The following PLA2G4C variants were observed in gnomAD, a reference collection of about 807,000 sequenced individuals.
The protein encoded by PLA2G4C is phospholipase A2 group IVC.
Under a neutral mutation model 73.8 loss-of-function variants are expected in PLA2G4C, and 64 were observed. The observed-to-expected ratio is 0.87, with a 90% CI of 0.71 to 1.07. The LOEUF (loss-of-function observed/expected upper bound fraction) is 1.07. Ranked by LOEUF, PLA2G4C falls within the 50% of genes least tolerant of loss-of-function variation. The probability of loss-of-function intolerance (pLI) is 0.00; values close to 1 mark genes in which losing one functional copy is unlikely to be tolerated. For synonymous variants in PLA2G4C, 254 were observed against 252.1 expected (o/e 1.01, Z -0.07); for missense variants, 622 against 665.4 (o/e 0.93, Z 0.72).
chr19:48,083,060 C>A (rs1008462823), intron 10 of PLA2G4C, among the ~76,000 whole-genome samples: 2 of 152,062 alleles, frequency 1.3e-5, no homozygotes, highest in African/African-American at 2.4e-5. Context: ...GTGATCCACC[C>A]GCCTCGGCCC....
chr19:48,054,829 G>C, intron 15 of PLA2G4C, 49 bp downstream of exon 15: 1 of 1,520,074 alleles, frequency 6.6e-7, no homozygotes. Context: ...AGCAGTGTGA[G>C]CATGGACTAA....
chr19:48,060,953 T>A (rs1392779606), intron 14 of PLA2G4C, among the ~76,000 whole-genome samples: 2 of 152,184 alleles, frequency 1.3e-5, no homozygotes, highest in African/African-American at 4.8e-5. Context: ...TATGTATTGG[T>A]ATGTATCATG....
intron 1 of PLA2G4C, among the ~76,000 whole-genome samples, chr19:48,108,261 G>A (rs566481115): frequency 3.3e-5 from 5 of 151,980 alleles, no homozygotes; most frequent in Admixed American, 3.3e-4. Flanking sequence ...TGGCCTCCTG[G>A]GTTGCTGGGA....
intron 5 of PLA2G4C, among the ~76,000 whole-genome samples, chr19:48,099,077 T>C (rs1454725660): frequency 2.7e-5 from 4 of 147,382 alleles, no homozygotes; most frequent in Admixed American, 7.0e-5. Context: ...CTGGGCAATA[T>C]AGCAAGATCC....
Position 48,105,820 on chromosome 19 carries a change from C to CCCCT in PLA2G4C, c.9-380_9-377dup, listed in dbSNP as rs1173936708. On this transcript the variant is annotated intron_variant, in intron 2 of 16. Coordinates refer to ENST00000599921, the MANE Select transcript of PLA2G4C (RefSeq NM_003706.3). ...CCTCCCTCCCTCCCTCCCCTTCCCT[C>CCCCT]CCCTCCCTCCCTCCCTCCCTTCCTT... Among the ~76,000 whole-genome samples, 3 of 46,032 alleles carry CCCCT rather than the reference C, an allele frequency of 6.5e-5. 1 individual carries two copies. The highest frequency in any genetic ancestry group is 6.4e-4 in the African/African-American group (3 of 4,718). 30.2% of individuals were successfully genotyped at this position (46,032 alleles called of 152,430 possible).
intron 10 of PLA2G4C, among the ~76,000 whole-genome samples, chr19:48,082,110 T>C (rs1395428294): frequency 6.6e-6 from 1 of 151,728 alleles, no homozygotes; most frequent in African/African-American, 2.4e-5. Context: ...ACATATTGAA[T>C]GCAACATACT....
intron 2 of PLA2G4C, 78 bp downstream of exon 2, chr19:48,106,444 C>T: frequency 1.8e-6 from 2 of 1,081,196 alleles, no homozygotes; most frequent in East Asian, 2.4e-5. Flanking sequence ...TCACAGCCCT[C>T]ACCTCTTGAC....
rs756009106 is a variant in PLA2G4C at position 48,062,182 on chromosome 19, C to G, written c.1103-30G>C. 5.3e-6 allele frequency: 8 copies of G among 1,522,776 alleles called. No homozygotes were observed. The Admixed American group carries it at 1.5e-4, about 28-fold the overall frequency. 94.3% of individuals were successfully genotyped at this position (1,522,776 alleles called of 1,614,324 possible). The stretch of plus-strand genomic sequence containing the variant: ...GGTGCCCAGGAAGAAAGAGGATCAG[C>G]TGCTTCTGGGGACTGAAAGCAAGAC... On this transcript the variant is annotated intron_variant, in intron 13 of 16. Coordinates refer to ENST00000599921, the MANE Select transcript of PLA2G4C (RefSeq NM_003706.3).
chr19:48,105,082 CAAAAAAAAAA>C (rs3083068), intron 3 of PLA2G4C, among the ~76,000 whole-genome samples: 2 of 87,620 alleles, frequency 2.3e-5, no homozygotes, highest in Non-Finnish European at 4.4e-5. Flanking sequence ...GACGTTGTCT[CAAAAAAAAAA>C]AAAAAAAAAA....
rs1406210480 is a variant in PLA2G4C at position 48,085,050 on chromosome 19, A to G, written c.844+9T>C. 1 of 1,601,184 alleles carries G rather than the reference A, an allele frequency of 6.2e-7. No homozygotes were observed. The highest frequency in any genetic ancestry group is 1.1e-5 in the South Asian group (1 of 90,778). ...TAGGCTTTGACCTTTCTGTTCCCCA[A>G]ATACTCACCAAAAATAAGGTGTCCA... On this transcript the variant is annotated intron_variant, in intron 10 of 16. Coordinates refer to ENST00000599921, the MANE Select transcript of PLA2G4C (RefSeq NM_003706.3).
chr19:48,100,287 C>T (rs911988939), intron 4 of PLA2G4C, among the ~76,000 whole-genome samples: 1 of 151,888 alleles, frequency 6.6e-6, no homozygotes, highest in South Asian at 2.1e-4. Flanking sequence ...GAGGACGAGG[C>T]GGGAGGATTG....
At chr19:48,097,244 CTT>C (rs1196068532) in intron 6 of PLA2G4C, 2 of 66,636 alleles carry the variant, frequency 3.0e-5, no homozygotes, top group Non-Finnish European at 5.1e-5. Context: ...TTACTTTTTT[CTT>C]TTTTCTTTTT....
intron 9 of PLA2G4C, among the ~76,000 whole-genome samples, chr19:48,087,999 G>A (rs1422379973): frequency 6.6e-6 from 1 of 151,612 alleles, no homozygotes; most frequent in Admixed American, 6.6e-5. Flanking sequence ...CCTCTGTCAA[G>A]GCTGGGACCT....
chr19:48,054,485 TGTTGTA>T (rs1555741233), intron 15 of PLA2G4C, among the ~76,000 whole-genome samples: 1 of 144,650 alleles, frequency 6.9e-6, no homozygotes, highest in African/African-American at 2.6e-5. Context: ...TTTTTTTTGT[TGTTGTA>T]TTTTTAGTAG....
intron 13 of PLA2G4C, 92 bp downstream of exon 13, chr19:48,067,699 G>A (rs1044009571): frequency 5.8e-6 from 5 of 861,256 alleles, no homozygotes; most frequent in African/African-American, 3.3e-5. Context: ...GGAAGGACCA[G>A]CCTGGGATTG....
At chr19:48,058,286 C>T (rs950376781) in intron 14 of PLA2G4C, among the ~76,000 whole-genome samples, 8 of 150,348 alleles carry the variant, frequency 5.3e-5, no homozygotes, top group African/African-American at 1.5e-4. Flanking sequence ...GCAACAAGAG[C>T]GAAACTCCGT....
Position 48,110,548 on chromosome 19 carries a change from C to CGGAGGCTTGGGCTCCGGAATCCGGTGA in PLA2G4C, c.-95_-94insTCACCGGATTCCGGAGCCCAAGCCTCC. ...GGAGCTTGTGCTCCGGAATCCGGTG[C>CGGAGGCTTGGGCTCCGGAATCCGGTGA]GGAGGCTTGGGCTCCCTGCGCTTAG... On this transcript the variant is annotated 5_prime_UTR_variant, in exon 1 of 17. Coordinates refer to ENST00000599921, the MANE Select transcript of PLA2G4C (RefSeq NM_003706.3). 6.5e-7 allele frequency: 1 copy of CGGAGGCTTGGGCTCCGGAATCCGGTGA among 1,527,012 alleles called. No homozygotes were observed. Among genetic ancestry groups the CGGAGGCTTGGGCTCCGGAATCCGGTGA allele is most frequent in the Non-Finnish European group, 8.8e-7 (1 of 1,140,292 alleles). The allele number at this position is 1,527,012 out of a possible 1,614,324, so 94.6% of individuals were successfully genotyped here. A position where few individuals can be genotyped will look rare whatever the true frequency, so the allele number is the denominator to read the frequency against.
intron 15 of PLA2G4C, among the ~76,000 whole-genome samples, chr19:48,054,306 T>C (rs2122432460): frequency 6.6e-6 from 1 of 152,012 alleles, no homozygotes; most frequent in South Asian, 2.1e-4. Context: ...TGATGGTATG[T>C]ATTTATTTAT....
intron 10 of PLA2G4C, among the ~76,000 whole-genome samples, chr19:48,080,114 A>G (rs921776371): frequency 4.3e-5 from 5 of 115,820 alleles, no homozygotes; most frequent in African/African-American, 1.6e-4. Flanking sequence ...CCTATAAGGA[A>G]CTCAAAGAAA....
Sources: gnomAD v4.1 joint callset for allele counts (sites outside exome capture counted in the v4.1 genomes callset) on GRCh38, gnomAD v4.1.1 for gene constraint, MANE v1.5 for transcripts, NCBI Gene and HGNC (gene_info 2026-07-23, HGNC 2026-07-21) for gene names.